Variants in NGLY1 observed in about 807,000 individuals in gnomAD.
The protein encoded by NGLY1 is peptide-N(4)-(N-acetyl-beta-glucosaminyl)asparagine amidase.
NGLY1 carries 68 observed loss-of-function variants against 84.6 expected under a neutral mutation model. That is an observed-to-expected ratio of 0.80 (90% CI 0.66 to 0.98). The LOEUF is 0.98. NGLY1 is among the 50% of genes least tolerant of loss of function. The pLI is 0.00. For synonymous variants in NGLY1, 280 were observed against 275.2 expected (o/e 1.02, Z -0.17); for missense variants, 779 against 770.2 (o/e 1.01, Z -0.14).
intron 9 of NGLY1, 68 bp from the exon 10 acceptor site, chr3:25,729,386 C>T: frequency 3.0e-6 from 3 of 1,000,462 alleles, no homozygotes; most frequent in Non-Finnish European, 4.0e-6. Flanking sequence ...AGAGAAATTA[C>T]TAAGCAGAGT....
At chr3:25,777,350 G>C (rs889431590) in intron 2 of NGLY1, among the ~76,000 whole-genome samples, 6 of 129,966 alleles carry the variant, frequency 4.6e-5, no homozygotes, top group African/African-American at 1.7e-4. Flanking sequence ...AGCTGAGATT[G>C]CATCACCGCA....
intron 7 of NGLY1, chr3:25,734,243 G>A (rs1166538942): frequency 7.4e-6 from 2 of 270,492 alleles, no homozygotes; most frequent in African/African-American, 4.5e-5. Context: ...TTTTTGTATT[G>A]TTTTAAGTAG....
At chr3:25,766,598 A>G (rs1202146931) in intron 2 of NGLY1, among the ~76,000 whole-genome samples, 1 of 152,238 alleles carries the variant, frequency 6.6e-6, no homozygotes, top group South Asian at 2.1e-4. Context: ...ATTGTAACAC[A>G]ACGACTTTTT....
chr3:25,755,421 CTGTCCCAAATA>C, intron 3 of NGLY1: 5 of 1,452,410 alleles, frequency 3.4e-6, no homozygotes, highest in African/African-American at 1.4e-5. Context: ...CAAACAGTGT[CTGTCCCAAATA>C]AAGTTTCAAC....
chr3:25,723,280 A>G (rs1395992811), intron 10 of NGLY1, among the ~76,000 whole-genome samples: 1 of 152,228 alleles, frequency 6.6e-6, no homozygotes, highest in Non-Finnish European at 1.5e-5. Context: ...AGGCATCATC[A>G]GCTTTTAAGA....
intron 3 of NGLY1, among the ~76,000 whole-genome samples, chr3:25,760,176 A>T (rs1202497141): frequency 1.3e-5 from 2 of 152,200 alleles, no homozygotes; most frequent in Non-Finnish European, 2.9e-5. Flanking sequence ...TATAAATAAT[A>T]TGAAAGCACC....
chr3:25,768,405 A>T lies in NGLY1; in HGVS notation c.247-4094T>A, dbSNP rs1439918541. 7.0e-5 allele frequency among the ~76,000 whole-genome samples: 10 copies of T among 142,684 alleles called. No individual in the cohort carries two copies. The Admixed American group carries it at 7.5e-4, about 11-fold the overall frequency. 93.6% of individuals were successfully genotyped at this position (142,684 alleles called of 152,430 possible). A position where few individuals can be genotyped will look rare whatever the true frequency, so the allele number is the denominator to read the frequency against. Reference sequence around the variant, plus strand: ...CCACTGCACTCTAGCCTGGGCAACAAGAGGTGAAACTCCATCTAAAAAAAA... The same window carrying T: ...CCACTGCACTCTAGCCTGGGCAACATGAGGTGAAACTCCATCTAAAAAAAA... On this transcript the variant is annotated intron_variant, in intron 2 of 11. Coordinates refer to ENST00000280700, the MANE Select transcript of NGLY1 (RefSeq NM_018297.4).
At chr3:25,747,352 C>G (rs1559542013) in intron 4 of NGLY1, among the ~76,000 whole-genome samples, 1 of 152,058 alleles carries the variant, frequency 6.6e-6, no homozygotes, top group Non-Finnish European at 1.5e-5. Flanking sequence ...TTATTGTACA[C>G]ACAGGAAAAA....
At chr3:25,723,647 ATT>A (rs1705116170) in intron 10 of NGLY1, among the ~76,000 whole-genome samples, 1 of 152,126 alleles carries the variant, frequency 6.6e-6, no homozygotes, top group Admixed American at 6.5e-5. Flanking sequence ...AAAAGCAAAC[ATT>A]CACTTGTTTA....
chr3:25,787,944 A>G (rs1708640180), upstream of NGLY1, among the ~76,000 whole-genome samples: 1 of 152,144 alleles, frequency 6.6e-6, no homozygotes, highest in Non-Finnish European at 1.5e-5. Flanking sequence ...ACAAACATTC[A>G]TTTCCAAGAT....
intron 3 of NGLY1, among the ~76,000 whole-genome samples, chr3:25,757,729 G>A (rs1410320431): frequency 6.6e-6 from 1 of 152,208 alleles, no homozygotes; most frequent in Admixed American, 6.5e-5. Flanking sequence ...CAAAGGAGCT[G>A]TACAAGAAGG....
At chr3:25,738,360 A>G (rs1219537392) in intron 5 of NGLY1, among the ~76,000 whole-genome samples, 1 of 152,150 alleles carries the variant, frequency 6.6e-6, no homozygotes, top group Non-Finnish European at 1.5e-5. Context: ...TATTTGTAAC[A>G]TTCTTTTCAG....
chr3:25,730,686 G>A (rs1179307060), intron 9 of NGLY1: 2 of 152,060 alleles, frequency 1.3e-5, no homozygotes, highest in Non-Finnish European at 2.9e-5. Context: ...TTAACTGCCC[G>A]CTACAGACGA....
chr3:25,733,732 A>G, intron 8 of NGLY1, 140 bp downstream of exon 8: 1 of 439,114 alleles, frequency 2.3e-6, no homozygotes, highest in Non-Finnish European at 3.8e-6. Flanking sequence ...TTATTCTTTA[A>G]TATTCAAAAA....
chr3:25,781,587 T>C (rs1048452900), intron 1 of NGLY1, among the ~76,000 whole-genome samples: 1 of 152,168 alleles, frequency 6.6e-6, no homozygotes, highest in African/African-American at 2.4e-5. Context: ...TTTGCGCTCA[T>C]TGTCACACCC....
intron 3 of NGLY1, among the ~76,000 whole-genome samples, chr3:25,757,796 G>A (rs998929399): frequency 6.6e-6 from 1 of 152,204 alleles, no homozygotes; most frequent in African/African-American, 2.4e-5. Context: ...TGTCTGACAA[G>A]TAAAACAATT....
At chr3:25,786,956 G>C (rs1331925174), upstream of NGLY1, among the ~76,000 whole-genome samples, 1 of 152,188 alleles carries the variant, frequency 6.6e-6, no homozygotes, top group Non-Finnish European at 1.5e-5. Flanking sequence ...CACTGTGAAG[G>C]AGACAAGTAT....
At chr3:25,755,487 CCTT>C (rs966325248) in intron 3 of NGLY1, 1 of 1,457,270 alleles carries the variant, frequency 6.9e-7, no homozygotes, top group Non-Finnish European at 9.6e-7. Context: ...GCAGATTCCA[CCTT>C]CTCGGTCCAC....
At chr3:25,747,626 C>T (rs1261466121) in intron 4 of NGLY1, among the ~76,000 whole-genome samples, 1 of 152,086 alleles carries the variant, frequency 6.6e-6, no homozygotes, top group Non-Finnish European at 1.5e-5. Flanking sequence ...TTCTAGCAAG[C>T]AGAGGTCAAT....
Sources: allele counts gnomAD v4.1 joint callset (sites outside exome capture counted in the v4.1 genomes callset), GRCh38; gene constraint gnomAD v4.1.1; transcripts MANE v1.5; gene names NCBI Gene and HGNC (gene_info 2026-07-23, HGNC 2026-07-21).